Variants in HEG1 observed in about 807,000 individuals in gnomAD.
HEG1 encodes the protein heart development protein with EGF like domains 1, also known as protein HEG homolog 1.
A neutral mutation model predicts 125.6 loss-of-function variants in HEG1; 56 were observed. That is an observed-to-expected ratio of 0.45 (90% CI 0.36 to 0.56). HEG1 has a LOEUF of 0.56. HEG1 is among the 20% of genes least tolerant of loss of function. HEG1 has a pLI of 0.00. For synonymous variants in HEG1, 644 were observed against 668.5 expected (o/e 0.96, Z 0.57); for missense variants, 1,523 against 1,670.0 (o/e 0.91, Z 1.53).
At chr3:124,997,667 C>T (rs1476694131) in intron 12 of HEG1, 22 bp downstream of exon 12, 1 of 1,554,056 alleles carries the variant, frequency 6.4e-7, no homozygotes, top group African/African-American at 1.4e-5. Context: ...GGGCACAGAA[C>T]CCCAGGCGAA....
rs778692796 is a variant in HEG1, at chr3:125,019,625, C to T, written c.1253-28G>A. 1.2e-5 allele frequency: 19 copies of T among 1,571,332 alleles called. No individual in the cohort carries two copies. The South Asian group carries it at 1.5e-4, about 12-fold the overall frequency. On this transcript the variant is annotated intron_variant, in intron 4 of 16. Coordinates refer to ENST00000311127, the MANE Select transcript of HEG1 (RefSeq NM_020733.2). ...GTAAGGTAATATAGGAAAAAAAGGC[C>T]ATTACATAGGTATGAAAGAGATCCC...
In HEG1 at chr3:124,987,975, A is replaced by C. The variant is rs1355986105; in HGVS notation, c.3733+2812T>G. ...CACATATATATATATATATATATAT[A>C]CCATGTAGTTCTAGTATTCCAGCAT... On this transcript the variant is annotated intron_variant, in intron 14 of 16. Transcript: ENST00000311127. Among the ~76,000 whole-genome samples, 12 of 143,164 alleles carry C rather than the reference A, an allele frequency of 8.4e-5. 1 individual carries two copies. The highest frequency in any genetic ancestry group is 2.9e-4 in the Admixed American group (4 of 13,926). The allele number at this position is 143,164 out of a possible 152,430, so 93.9% of individuals were successfully genotyped here. A position where few individuals can be genotyped will look rare whatever the true frequency, so the allele number is the denominator to read the frequency against.
chr3:124,980,706 A>T (rs960764696), intron 14 of HEG1, among the ~76,000 whole-genome samples: 1 of 151,962 alleles, frequency 6.6e-6, no homozygotes, highest in African/African-American at 2.4e-5. Context: ...TTTAGTAGAG[A>T]CGGGGTTTCG....
rs1372557310 is a variant in HEG1 at position 125,012,605 on chromosome 3, T to C, written c.2956+18A>G. On this transcript the variant is annotated intron_variant, in intron 6 of 16. Transcript: ENST00000311127. Reference sequence around the variant, plus strand: ...CTGGGCCTTGCAGTTAACATGTGCTTGTGTGACTGTGTTTTACCTGAGGCT... The same window carrying C: ...CTGGGCCTTGCAGTTAACATGTGCTCGTGTGACTGTGTTTTACCTGAGGCT... The C allele has an allele frequency of 5.0e-6, 8 of 1,604,436 alleles. No homozygotes were observed. The highest frequency in any genetic ancestry group is 6.8e-6 in the Non-Finnish European group (8 of 1,174,934).
intron 14 of HEG1, among the ~76,000 whole-genome samples, chr3:124,986,615 A>T (rs1027697978): frequency 6.6e-6 from 1 of 152,226 alleles, no homozygotes; most frequent in African/African-American, 2.4e-5. Flanking sequence ...TGATATTTAC[A>T]TGCCATCACA....
intron 14 of HEG1, among the ~76,000 whole-genome samples, chr3:124,982,059 T>C (rs1936664843): frequency 6.6e-6 from 1 of 152,158 alleles, no homozygotes; most frequent in South Asian, 2.1e-4. Context: ...TGAACCACCA[T>C]GCTCAGCTAA....
Position 125,055,829 on chromosome 3 carries a change from A to AGCAGCG in HEG1, c.56_61dup (p.Pro19_Leu20dup), listed in dbSNP as rs1937928579. 1.0e-6 allele frequency: 1 copy of AGCAGCG among 983,052 alleles called. No individual in the cohort carries two copies. The highest frequency in any genetic ancestry group is 1.2e-6 in the Non-Finnish European group (1 of 828,746). The allele number at this position is 983,052 out of a possible 1,614,324, so 60.9% of individuals were successfully genotyped here. A position where few individuals can be genotyped will look rare whatever the true frequency, so the allele number is the denominator to read the frequency against. ...CCCGGGGGCCGCCGGCGGCAGCAGC[A>AGCAGCG]GCAGCGGCAGCAACAGCAGCAGGAG... On this transcript the variant is annotated inframe_insertion, in exon 1 of 17. Coordinates refer to ENST00000311127, the MANE Select transcript of HEG1 (RefSeq NM_020733.2).
In HEG1 at chr3:125,029,507, G is replaced by A. The variant is rs974201579; in HGVS notation, c.317-19C>T. 2 of 1,580,160 alleles carry A rather than the reference G, an allele frequency of 1.3e-6. No homozygotes were observed. The highest frequency in any genetic ancestry group is 1.7e-6 in the Non-Finnish European group (2 of 1,167,482). On this transcript the variant is annotated intron_variant, in intron 1 of 16. Coordinates refer to ENST00000311127, the MANE Select transcript of HEG1 (RefSeq NM_020733.2). ...GCAGCATCTGAAAGAAGAAGAGGAT[G>A]CATCAGGGAGAGTTTGCTGGCTTCT...
intron 1 of HEG1, among the ~76,000 whole-genome samples, chr3:125,030,426 G>A (rs1043096606): frequency 1.2e-4 from 18 of 152,278 alleles, no homozygotes; most frequent in African/African-American, 4.3e-4. Flanking sequence ...ACAGTAGAAA[G>A]AGGAAGAGAA....
In HEG1 at chr3:125,012,783, G is replaced by C; in HGVS notation, c.2796C>G (p.Gly932=). 1 of 1,614,052 alleles carries C rather than the reference G, an allele frequency of 6.2e-7. No individual in the cohort carries two copies. Among genetic ancestry groups the C allele is most frequent in the South Asian group, 1.1e-5 (1 of 91,074 alleles). Residue 932 remains glycine (G), a synonymous_variant, in exon 6 of 17, where the codon GGC becomes GGG. Coordinates refer to ENST00000311127, the MANE Select transcript of HEG1 (RefSeq NM_020733.2). ...TSAKEMTTKL[G]VTAEYSPASR... is the part of the protein sequence containing the mutation. ...AAGCTGGGCTGTACTCTGCTGTAAC[G>C]CCAAGCTTTGTGGTCATTTCTTTTG... is the stretch of plus-strand genomic sequence containing the variant.
intron 1 of HEG1, among the ~76,000 whole-genome samples, chr3:125,030,166 C>A (rs1937477876): frequency 6.6e-6 from 1 of 152,182 alleles, no homozygotes; most frequent in South Asian, 2.1e-4. Context: ...AAGTTGCTAA[C>A]TGTGCCTCCT....
chr3:125,001,776 T>C, intron 11 of HEG1, 76 bp downstream of exon 11: 1 of 1,507,712 alleles, frequency 6.6e-7, no homozygotes, highest in African/African-American at 1.4e-5. Flanking sequence ...GCCTGAGCCC[T>C]GGATGCCTTG....
At chr3:125,014,794 C>T in intron 5 of HEG1, 1 of 1,289,834 alleles carries the variant, frequency 7.8e-7, no homozygotes, top group Non-Finnish European at 1.0e-6. Flanking sequence ...GAGGCACCCT[C>T]TGTTTCTTGG....
intron 1 of HEG1, among the ~76,000 whole-genome samples, chr3:125,040,355 A>C (rs151007980): frequency 7.9e-5 from 12 of 152,314 alleles, no homozygotes; most frequent in Non-Finnish European, 1.2e-4. Flanking sequence ...ATAGGACAAA[A>C]TTAAAGGTAG....
intron 1 of HEG1, among the ~76,000 whole-genome samples, chr3:125,047,570 ACC>A (rs1473424248): frequency 6.6e-6 from 1 of 152,156 alleles, no homozygotes; most frequent in Non-Finnish European, 1.5e-5. Context: ...TCTCGTCTAC[ACC>A]CTGGCAAAAG....
intron 14 of HEG1, among the ~76,000 whole-genome samples, chr3:124,982,446 C>T (rs566728323): frequency 8.5e-5 from 13 of 152,318 alleles, no homozygotes; most frequent in African/African-American, 2.6e-4. Context: ...TCATCTTAGG[C>T]TTGTCCTATC....
intron 9 of HEG1, among the ~76,000 whole-genome samples, chr3:125,004,798 G>A (rs1236885472): frequency 6.6e-6 from 1 of 152,168 alleles, no homozygotes; most frequent in Non-Finnish European, 1.5e-5. Context: ...TATACAGTGA[G>A]TTCTCAAACC....
At chr3:125,050,143 T>TC (rs199717193) in intron 1 of HEG1, among the ~76,000 whole-genome samples, 6 of 26,188 alleles carry the variant, frequency 2.3e-4, no homozygotes, top group African/African-American at 5.9e-4. Context: ...ACCAACTCTC[T>TC]TTTTTTTTTT....
chr3:125,055,996 G>T lies in HEG1; in HGVS notation c.-106C>A. The T allele has an allele frequency of 1.8e-6, 1 of 557,106 alleles. No homozygotes were observed. The highest frequency in any genetic ancestry group is 2.3e-6 in the Non-Finnish European group (1 of 438,844). 34.5% of individuals were successfully genotyped at this position (557,106 alleles called of 1,614,324 possible). A position where few individuals can be genotyped will look rare whatever the true frequency, so the allele number is the denominator to read the frequency against. ...GCGCGGGGCCGGGGAAGTGAGCGGA[G>T]TGAGGCTGCGAGCGCGCTCCCCGCC... On this transcript the variant is annotated 5_prime_UTR_variant, in exon 1 of 17. Coordinates refer to ENST00000311127, the MANE Select transcript of HEG1 (RefSeq NM_020733.2).
Sources: gnomAD v4.1 joint callset for allele counts (sites outside exome capture counted in the v4.1 genomes callset) on GRCh38, gnomAD v4.1.1 for gene constraint, MANE v1.5 for transcripts, NCBI Gene and HGNC (gene_info 2026-07-23, HGNC 2026-07-21) for gene names.